Variants in UACA observed in about 807,000 individuals in gnomAD.
UACA encodes the protein uveal autoantigen with coiled-coil domains and ankyrin repeats, also known as nuclear membrane binding protein.
UACA carries 112 observed loss-of-function variants against 160.5 expected under a neutral mutation model. That is an observed-to-expected ratio of 0.70 (90% CI 0.60 to 0.82). The LOEUF (loss-of-function observed/expected upper bound fraction) is 0.82, where lower values mean the gene tolerates loss of function less well. Among genes scored for constraint, UACA ranks in the 40% least tolerant of loss-of-function variants. The pLI is 0.00. For missense variants in UACA, 1,574 were observed against 1,614.6 expected, an observed-to-expected ratio of 0.97 and a Z score of 0.43; for synonymous variants, 557 against 568.4, an observed-to-expected ratio of 0.98 and a Z score of 0.29.
chr15:70,765,298 G>T (rs986204706), upstream of UACA, among the ~76,000 whole-genome samples: 1 of 152,130 alleles, frequency 6.6e-6, no homozygotes, highest in Admixed American at 6.5e-5. Context: ...ACTATTCTCT[G>T]TGGGTGCTGG....
intron 1 of UACA, among the ~76,000 whole-genome samples, chr15:70,744,908 G>A (rs754660399): frequency 3.9e-5 from 6 of 152,104 alleles, no homozygotes; most frequent in Non-Finnish European, 8.8e-5. Flanking sequence ...CCTCATAACA[G>A]CCATACAGAG....
intron 3 of UACA, 133 bp from the exon 4 acceptor site, chr15:70,691,496 C>A: frequency 1.7e-6 from 1 of 595,172 alleles, no homozygotes; most frequent in South Asian, 2.7e-5. Context: ...CTTTCAGTTT[C>A]CAAAGATGTT....
In UACA at chr15:70,667,957, T is replaced by C. The variant is rs760779968; in HGVS notation, c.2727A>G (p.Arg909=). 2 of 1,607,678 alleles carry C rather than the reference T, an allele frequency of 1.2e-6. No individual in the cohort carries two copies. The highest frequency in any genetic ancestry group is 1.7e-6 in the Non-Finnish European group (2 of 1,177,586). Residue 909 remains arginine, a synonymous_variant, in exon 16 of 19, where the codon AGA becomes AGG. Coordinates refer to ENST00000322954, the MANE Select transcript of UACA (RefSeq NM_018003.4). ...TTTGGTTCTGAGTGTTTTCCAGGTT[T>C]CTTTTTAATATTTCATTCTTATCTT... ...KIKDKNEILK[R]NLENTQNQIK... is the part of the protein sequence containing the mutation.
chr15:70,748,759 T>C (rs1899789073), intron 1 of UACA, among the ~76,000 whole-genome samples: 1 of 152,226 alleles, frequency 6.6e-6, no homozygotes, highest in Admixed American at 6.5e-5. Flanking sequence ...TACAGTTTCC[T>C]TTCTAAATAA....
chr15:70,772,666 A>G, the UACA span, among the ~76,000 whole-genome samples: 6 of 152,206 alleles, frequency 3.9e-5, no homozygotes, highest in Non-Finnish European at 8.8e-5. Flanking sequence ...AGGCCTAGAT[A>G]GCAAGAGTGA....
At chr15:70,722,436 G>C (rs1465051926) in intron 1 of UACA, among the ~76,000 whole-genome samples, 1 of 151,580 alleles carries the variant, frequency 6.6e-6, no homozygotes, top group Non-Finnish European at 1.5e-5. Flanking sequence ...TCTCACCTCA[G>C]CCTCCTGAGT....
rs1191038243 is a variant in UACA at position 70,687,642 on chromosome 15, C to T, written c.500G>A (p.Gly167Glu). The T allele has an allele frequency of 3.7e-6, 6 of 1,613,792 alleles. No homozygotes were observed. The South Asian group carries it at 5.5e-5, about 15-fold the overall frequency. Residue 167 changes from glycine (G) to glutamate (E), a missense_variant, in exon 7 of 19, where the codon GGG becomes GAG. Physicochemically the swap from Gly to Glu is moderately conservative, Grantham distance 98. Transcript: ENST00000322954. ...AGTAGCCAGAACAAGTGGTGTCCGC[C>T]CGTCCTAAGCAACAGGAAAAATAAA... The part of the protein sequence containing the change: ...GASVNAKDVD[G>E]RTPLVLATQM...
chr15:70,775,050 C>T, the UACA span, among the ~76,000 whole-genome samples: 3 of 151,838 alleles, frequency 2.0e-5, no homozygotes, highest in Non-Finnish European at 2.9e-5. Flanking sequence ...AAGAGTGAGA[C>T]CCAGTCTCAA....
At position 70,676,526 on chromosome 15, in the gene UACA, A is replaced by C; in HGVS notation, c.1098T>G (p.Ile366Met). 6.2e-7 allele frequency: 1 copy of C among 1,612,598 alleles called. No individual in the cohort carries two copies. Among genetic ancestry groups the C allele is most frequent in the African/African-American group, 1.3e-5 (1 of 75,026 alleles). The change falls in exon 13 of 19, where the codon ATT becomes ATG. Residue 366 changes from isoleucine to methionine, a missense_variant. By Grantham distance (10) the Ile-to-Met change is conservative. Transcript: ENST00000322954. ...ATTTAAATCTATTTTTCAGAGCCTC[A>C]ATAGTCCTTAAGCTTTCTTCATGTT... ...EKQHEESLRT[I>M]EALKNRFKYF...
chr15:70,679,687 A>G lies in UACA; in HGVS notation c.823-11T>C. On this transcript the variant is annotated splice_polypyrimidine_tract_variant and intron_variant, in intron 9 of 18. Coordinates refer to ENST00000322954, the MANE Select transcript of UACA (RefSeq NM_018003.4). ...GTGTGTCAAATTTCGCTTTGGTAAA[A>G]CATAAGAAAACACGGGTCAGCAAGT... The G allele has an allele frequency of 1.3e-6, 2 of 1,562,202 alleles. No homozygotes were observed. The highest frequency in any genetic ancestry group is 1.7e-6 in the Non-Finnish European group (2 of 1,147,858).
chr15:70,663,516 C>A (rs1397403693), intron 17 of UACA, among the ~76,000 whole-genome samples: 1 of 152,092 alleles, frequency 6.6e-6, no homozygotes, highest in Non-Finnish European at 1.5e-5. Flanking sequence ...TGGGTATATA[C>A]CCAAAGGATT....
rs189447201 is a variant in UACA, at chr15:70,745,676, A to G, written c.78+17654T>C. ...CAAGACAATCCTAAGCAAAAAGAAC[A>G]AAGCTGCAGCCATCATGCTACCTGA... On this transcript the variant is annotated intron_variant, in intron 1 of 18. Coordinates refer to ENST00000322954, the MANE Select transcript of UACA (RefSeq NM_018003.4). Among the ~76,000 whole-genome samples, 937 of 152,328 alleles carry G rather than the reference A, an allele frequency of 6.2e-3. 5 individuals are homozygous for G. Among genetic ancestry groups the G allele is most frequent in the Non-Finnish European group, 8.0e-3 (544 of 68,028 alleles).
chr15:70,670,629 G>C (rs1021965693), intron 15 of UACA, among the ~76,000 whole-genome samples: 3 of 151,370 alleles, frequency 2.0e-5, no homozygotes, highest in African/African-American at 7.3e-5. Flanking sequence ...GACCCCTACA[G>C]ATTTACTGTT....
At chr15:70,776,711 G>A in the UACA span, among the ~76,000 whole-genome samples, 14 of 152,028 alleles carry the variant, frequency 9.2e-5, no homozygotes, top group African/African-American at 2.9e-4. Context: ...TAACAGGCGC[G>A]AGCCACCATA....
chr15:70,685,069 T>A (rs1202811638), intron 7 of UACA, among the ~76,000 whole-genome samples: 1 of 152,140 alleles, frequency 6.6e-6, no homozygotes, highest in African/African-American at 2.4e-5. Flanking sequence ...CCAAGAGAAG[T>A]ATCAGATTCC....
upstream of UACA, among the ~76,000 whole-genome samples, chr15:70,765,252 A>G (rs1424747619): frequency 6.6e-6 from 1 of 151,946 alleles, no homozygotes; most frequent in Non-Finnish European, 1.5e-5. Context: ...CCCAAGAGTG[A>G]TTGGTAGGGG....
chr15:70,703,744 A>G (rs1898445478), intron 1 of UACA, among the ~76,000 whole-genome samples: 1 of 152,128 alleles, frequency 6.6e-6, no homozygotes, highest in African/African-American at 2.4e-5. Flanking sequence ...GGATGTCCTG[A>G]GCTGCCTGCC....
At chr15:70,682,830 G>A in intron 8 of UACA, 35 bp from the exon 9 acceptor site, 1 of 1,520,040 alleles carries the variant, frequency 6.6e-7, no homozygotes, top group East Asian at 2.4e-5. Context: ...CAACAAAATG[G>A]CAGGTTAACT....
In UACA at chr15:70,678,088, GATTT is replaced by G. The variant is rs1489016450; in HGVS notation, c.999+7_999+10del. On this transcript the variant is annotated splice_region_variant and intron_variant, in intron 11 of 18. Transcript: ENST00000322954. ...AGACAGTTTATTTTTCTATTATGCA[GATTT>G]ATTTACCTCATTCAGCTGTAACTGT... 2 of 1,547,708 alleles carry G rather than the reference GATTT, an allele frequency of 1.3e-6. No individual in the cohort carries two copies. Among genetic ancestry groups the G allele is most frequent in the African/African-American group, 1.4e-5 (1 of 72,262 alleles).
Sources: gnomAD v4.1 joint callset for allele counts (sites outside exome capture counted in the v4.1 genomes callset) on GRCh38, gnomAD v4.1.1 for gene constraint, MANE v1.5 for transcripts, NCBI Gene and HGNC (gene_info 2026-07-23, HGNC 2026-07-21) for gene names.